The following TXK variants were observed in gnomAD, a reference collection of about 807,000 sequenced individuals.
TXK encodes the protein tyrosine-protein kinase TXK.
TXK carries 60 observed loss-of-function variants against 81.0 expected under a neutral mutation model. That is an observed-to-expected ratio of 0.74 (90% confidence interval 0.60 to 0.92). The LOEUF is 0.92. Ranked by LOEUF, TXK falls within the 40% of genes least tolerant of loss-of-function variation. The pLI is 0.00. For synonymous variants in TXK, 203 were observed against 210.7 expected, an observed-to-expected ratio of 0.96 and a Z score of 0.32; for missense variants, 581 against 638.3, an observed-to-expected ratio of 0.91 and a Z score of 0.97.
intron 9 of TXK, 58 bp from the exon 10 acceptor site, chr4:48,086,695 G>A (rs1454656659): frequency 9.3e-6 from 14 of 1,503,762 alleles, no homozygotes; most frequent in Non-Finnish European, 1.3e-5. Context: ...AAATATTAGG[G>A]CTGGAAAATG....
Position 48,104,936 on chromosome 4 carries a change from T to C in TXK, c.466A>G (p.Thr156Ala), listed in dbSNP as rs996374633. Residue 156 changes from threonine to alanine, a missense_variant, in exon 6 of 15, where the codon ACC becomes GCC. Transcript: ENST00000264316. ...AATAGATGTTCTGCCTGATTTCTGG[T>C]AATGTTTCTATGGTACCACCTGTAA... ...EIYEWYHRNI[T>A]RNQAEHLLRQ... 1.3e-6 allele frequency: 2 copies of C among 1,593,434 alleles called. No individual in the cohort carries two copies.
intron 1 of TXK, among the ~76,000 whole-genome samples, chr4:48,128,717 A>G (rs1719160588): frequency 6.6e-6 from 1 of 151,674 alleles, no homozygotes; most frequent in Non-Finnish European, 1.5e-5. Flanking sequence ...GGTGTCTGCC[A>G]CCACGCCCGG....
intron 1 of TXK, among the ~76,000 whole-genome samples, chr4:48,117,591 C>T (rs1288416633): frequency 5.9e-5 from 9 of 152,152 alleles, no homozygotes; most frequent in Non-Finnish European, 1.2e-4. Context: ...CTCTTGGCAA[C>T]GGAATCTCCA....
rs1283655906 is a variant in TXK at position 48,113,222 on chromosome 4, C to A, written c.159G>T (p.Leu53Phe). The change falls in exon 3 of 15, where the codon TTG (leucine) becomes TTT (phenylalanine). Residue 53 changes from leucine to phenylalanine, a missense_variant. Coordinates refer to ENST00000264316, the MANE Select transcript of TXK (RefSeq NM_003328.3). ...TGATACTTACTTGCTTCTTATTTGA[C>A]AATTGGCTGAGCCACGGCCTGCGAC... ...TQRRRPWLSQLSNKKQSNTGR... is the reference protein window; with the variant it reads ...TQRRRPWLSQFSNKKQSNTGR... 2 of 1,613,032 alleles carry A rather than the reference C, an allele frequency of 1.2e-6. No homozygotes were observed. Among genetic ancestry groups the A allele is most frequent in the Admixed American group, 1.7e-5 (1 of 59,968 alleles).
chr4:48,082,411 A>G (rs1717343196), intron 10 of TXK, among the ~76,000 whole-genome samples: 2 of 152,200 alleles, frequency 1.3e-5, no homozygotes, highest in Admixed American at 6.5e-5. Flanking sequence ...TTTCATCTGC[A>G]TAATAAACAC....
intron 13 of TXK, 82 bp from the exon 14 acceptor site, chr4:48,071,756 G>C (rs1168388982): frequency 1.1e-5 from 16 of 1,510,110 alleles, no homozygotes; most frequent in Non-Finnish European, 1.4e-5. Context: ...AAACTACAAG[G>C]CATTATTTTT....
intron 1 of TXK, among the ~76,000 whole-genome samples, chr4:48,122,928 G>A (rs1718994254): frequency 6.6e-6 from 1 of 152,174 alleles, no homozygotes; most frequent in Non-Finnish European, 1.5e-5. Flanking sequence ...CTATGTAGTA[G>A]GGAGGCTTCA....
At chr4:48,092,583 A>G (rs1307589746) in intron 8 of TXK, among the ~76,000 whole-genome samples, 1 of 71,018 alleles carries the variant, frequency 1.4e-5, no homozygotes, top group Non-Finnish European at 4.0e-5. Context: ...TGTGACTTAC[A>G]AGAGCAATGT....
At position 48,134,182 on chromosome 4, in the gene TXK, C is replaced by A. The variant is rs200421590; in HGVS notation, c.-12G>T. 222 of 1,613,364 alleles carry A rather than the reference C, an allele frequency of 1.4e-4. No individual in the cohort carries two copies. The highest frequency in any genetic ancestry group is 1.7e-4 in the Non-Finnish European group (203 of 1,179,758). On this transcript the variant is annotated 5_prime_UTR_variant, in exon 1 of 15. Transcript: ENST00000264316. ...GAGGAAAGGATCATGGTAGCCCCTT[C>A]TGCGGGGAGCACACAACAGTCTTCA... is the stretch of plus-strand genomic sequence containing the variant.
chr4:48,132,101 G>A (rs11931912), intron 1 of TXK, among the ~76,000 whole-genome samples: 16,602 of 149,428 alleles, frequency 0.11, 1,160 homozygotes, highest in East Asian at 0.33. Flanking sequence ...AGGGGATTTC[G>A]CTTAAACAGA....
Position 48,123,442 on chromosome 4 carries a change from C to T in TXK, c.17-9040G>A, listed in dbSNP as rs145449526. On this transcript the variant is annotated intron_variant, in intron 1 of 14. Coordinates refer to ENST00000264316, the MANE Select transcript of TXK (RefSeq NM_003328.3). The stretch of plus-strand genomic sequence containing the variant: ...CCCATGTCTGTGAATGAGTCCACCA[C>T]AGAAAACTTAGATTCTTCCTGAGCC... Among the ~76,000 whole-genome samples the T allele has an allele frequency of 2.8e-3, 431 of 152,300 alleles. 4 individuals carry two copies. The highest frequency in any genetic ancestry group is 0.01 in the African/African-American group (416 of 41,548).
Position 48,134,229 on chromosome 4 carries a change from C to T in TXK, c.-59G>A. On this transcript the variant is annotated 5_prime_UTR_variant, in exon 1 of 15. Transcript: ENST00000264316. ...TTCAGTTCTTCTGCGGTGCTCTACT[C>T]ACAAAAACACATCTTTCAACTGAAA... is the stretch of plus-strand genomic sequence containing the variant. 6.3e-7 allele frequency: 1 copy of T among 1,590,440 alleles called. No homozygotes were observed. The highest frequency in any genetic ancestry group is 1.1e-5 in the South Asian group (1 of 87,472).
chr4:48,080,312 A>C (rs1191366945), intron 10 of TXK, 184 bp from the exon 11 acceptor site: 4 of 599,774 alleles, frequency 6.7e-6, no homozygotes, highest in Non-Finnish European at 1.2e-5. Flanking sequence ...ATGTGGGGTC[A>C]AGAGTTTAAG....
chr4:48,127,881 A>G (rs1719132411), intron 1 of TXK, among the ~76,000 whole-genome samples: 1 of 152,142 alleles, frequency 6.6e-6, no homozygotes, highest in African/African-American at 2.4e-5. Context: ...AGAGGCTCCT[A>G]TTGACATTCC....
At chr4:48,096,798 G>T (rs1717999125) in intron 6 of TXK, among the ~76,000 whole-genome samples, 1 of 152,136 alleles carries the variant, frequency 6.6e-6, no homozygotes, top group African/African-American at 2.4e-5. Context: ...CAAAATGCTG[G>T]GATTACAGGC....
chr4:48,102,545 A>C (rs1718238123), intron 6 of TXK, among the ~76,000 whole-genome samples: 1 of 152,214 alleles, frequency 6.6e-6, no homozygotes, highest in South Asian at 2.1e-4. Context: ...CAAGAGCGTA[A>C]ATTAGTATAA....
chr4:48,085,637 G>C (rs1007937248), intron 10 of TXK, among the ~76,000 whole-genome samples: 16 of 151,998 alleles, frequency 1.1e-4, no homozygotes, highest in African/African-American at 3.9e-4. Context: ...CCACACCCCT[G>C]TACTGTGCCC....
rs780919887 is a variant in TXK, at chr4:48,095,215, T to C, written c.509A>G (p.Glu170Gly). The change falls in exon 7 of 15, where the codon GAA becomes GGA. Residue 170 changes from glutamate to glycine, a missense_variant. By Grantham distance (98) the Glu-to-Gly change is moderately conservative. Transcript: ENST00000264316. Reference protein sequence around the residue: ...AEHLLRQESKEGAFIVRDSRH... With the variant: ...AEHLLRQESKGGAFIVRDSRH... Reference sequence around the variant, plus strand: ...TGAATCTCTGACAATAAATGCACCTTCTTTAGACTGCAAAAAAAATCATTT... The same window carrying C: ...TGAATCTCTGACAATAAATGCACCTCCTTTAGACTGCAAAAAAAATCATTT... 1 of 1,612,008 alleles carries C rather than the reference T, an allele frequency of 6.2e-7. No homozygotes were observed. Among genetic ancestry groups the C allele is most frequent in the Admixed American group, 1.7e-5 (1 of 59,614 alleles).
At chr4:48,075,510 C>A (rs1473354786) in intron 12 of TXK, among the ~76,000 whole-genome samples, 2 of 151,934 alleles carry the variant, frequency 1.3e-5, no homozygotes, top group Non-Finnish European at 2.9e-5. Context: ...ATTAGCTGGG[C>A]GTGGTGGCAT....
Sources: gnomAD v4.1 joint callset for allele counts (sites outside exome capture counted in the v4.1 genomes callset) on GRCh38, gnomAD v4.1.1 for gene constraint, MANE v1.5 for transcripts, NCBI Gene and HGNC (gene_info 2026-07-23, HGNC 2026-07-21) for gene names.